PPAT: variants seen among roughly 807,000 people sequenced by gnomAD.
PPAT encodes phosphoribosyl pyrophosphate amidotransferase, also known as amidophosphoribosyltransferase.
A neutral mutation model predicts 60.2 loss-of-function variants in PPAT; 20 were observed. That is an observed-to-expected ratio of 0.33 (90% CI 0.23 to 0.48). PPAT has a LOEUF of 0.48. PPAT is among the 20% of genes least tolerant of loss of function. The pLI, the probability that PPAT is intolerant of heterozygous loss-of-function variation, is 0.99. For missense variants in PPAT, 349 were observed against 629.6 expected, an observed-to-expected ratio of 0.55 and a Z score of 4.77; for synonymous variants, 194 against 215.1, an observed-to-expected ratio of 0.90 and a Z score of 0.86.
chr4:56,435,550 G>A lies in PPAT; in HGVS notation c.-73C>T. On this transcript the variant is annotated 5_prime_UTR_variant, in exon 1 of 11. Coordinates refer to ENST00000264220, the MANE Select transcript of PPAT (RefSeq NM_002703.5). ...TAAGCACCAACCAGCTGCCAGCTCG[G>A]CCCGTCGAGCTCAGAAGCTCGCGCT... is the stretch of plus-strand genomic sequence containing the variant. 1 of 1,606,506 alleles carries A rather than the reference G, an allele frequency of 6.2e-7. No homozygotes were observed. The highest frequency in any genetic ancestry group is 8.5e-7 in the Non-Finnish European group (1 of 1,176,140).
chr4:56,424,763 T>C (rs1393376535), intron 1 of PPAT, among the ~76,000 whole-genome samples: 1 of 152,250 alleles, frequency 6.6e-6, no homozygotes, highest in Non-Finnish European at 1.5e-5. Flanking sequence ...CTGTCTCTTC[T>C]GAGTAGGAGA....
intron 1 of PPAT, among the ~76,000 whole-genome samples, chr4:56,419,432 T>C (rs904253693): frequency 6.6e-6 from 1 of 152,172 alleles, no homozygotes; most frequent in Non-Finnish European, 1.5e-5. Context: ...GTAACCGGCA[T>C]AATAATGGAC....
intron 10 of PPAT, 66 bp from the exon 11 acceptor site, chr4:56,395,614 A>G: frequency 8.5e-7 from 1 of 1,175,728 alleles, no homozygotes; most frequent in South Asian, 1.9e-5. Context: ...ACGCGTCAAC[A>G]GAGAATAGTT....
Position 56,403,193 on chromosome 4 carries a change from T to G in PPAT, c.516-8A>C, listed in dbSNP as rs763720530. The G allele has an allele frequency of 4.9e-5, 78 of 1,582,748 alleles. No individual in the cohort carries two copies. The highest frequency in any genetic ancestry group is 7.0e-5 in the Admixed American group (4 of 56,768). On this transcript the variant is annotated splice_polypyrimidine_tract_variant and splice_region_variant and intron_variant, in intron 4 of 10. Transcript: ENST00000264220. ...TTCATCAAGTTTTTAATCCTGGAAT[T>G]AATTAAATAATTGAATGAATAACTT...
In PPAT at chr4:56,394,285, T is replaced by C. The variant is rs981281131; in HGVS notation, c.*1067A>G. ...CTAATTCCCCAAAGTGGTTGTCTCT[T>C]TGATCCTTAAACAAAACTGGCCCCT... On this transcript the variant is annotated 3_prime_UTR_variant, in exon 11 of 11. Transcript: ENST00000264220. The C allele has an allele frequency of 3.3e-5, 5 of 152,208 alleles. No homozygotes were observed. Among genetic ancestry groups the C allele is most frequent in the African/African-American group, 9.6e-5 (4 of 41,460 alleles). The allele number at this position is 152,208 out of a possible 1,614,324, so 9.4% of individuals were successfully genotyped here.
intron 1 of PPAT, among the ~76,000 whole-genome samples, chr4:56,424,465 T>A (rs1717192835): frequency 6.6e-6 from 1 of 152,078 alleles, no homozygotes; most frequent in Non-Finnish European, 1.5e-5. Context: ...GGAAGAAAAA[T>A]TTGCTAATGC....
intron 1 of PPAT, among the ~76,000 whole-genome samples, chr4:56,413,802 C>T (rs1716587440): frequency 6.6e-6 from 1 of 152,080 alleles, no homozygotes. Context: ...GAGGCTGAGA[C>T]AGGAGAATCG....
intron 7 of PPAT, 100 bp from the exon 8 acceptor site, chr4:56,401,011 A>T (rs916452923): frequency 4.4e-5 from 53 of 1,208,510 alleles, no homozygotes; most frequent in Non-Finnish European, 5.8e-5. Context: ...TTGAGTATAA[A>T]AAGAAATGCA....
chr4:56,421,595 GA>G (rs1466263588), intron 1 of PPAT: 1 of 152,196 alleles, frequency 6.6e-6, no homozygotes, highest in Non-Finnish European at 1.5e-5. Context: ...CTTAAATGAT[GA>G]GTCCCAATTG....
chr4:56,405,318 TAAG>T (rs1295838640), intron 3 of PPAT, among the ~76,000 whole-genome samples: 4 of 152,344 alleles, frequency 2.6e-5, no homozygotes, highest in East Asian at 3.9e-4. Flanking sequence ...TTGTGATATG[TAAG>T]AAGATTTATA....
At chr4:56,409,456 G>C (rs1202470076) in intron 1 of PPAT, among the ~76,000 whole-genome samples, 2 of 138,436 alleles carry the variant, frequency 1.4e-5, no homozygotes, top group African/African-American at 5.1e-5. Flanking sequence ...TAGCACTTTT[G>C]CTATTAGAAA....
chr4:56,403,965 T>C (rs753417100), intron 3 of PPAT: 9 of 414,352 alleles, frequency 2.2e-5, no homozygotes, highest in Non-Finnish European at 4.3e-5. Flanking sequence ...TAAATACAGA[T>C]GAAGTTTCAC....
At chr4:56,409,725 T>C (rs1048521402) in intron 1 of PPAT, among the ~76,000 whole-genome samples, 6 of 152,242 alleles carry the variant, frequency 3.9e-5, no homozygotes, top group Admixed American at 2.0e-4. Flanking sequence ...TATTGACCAA[T>C]TTTTGTTCCA....
At chr4:56,407,968 T>TAC in intron 1 of PPAT, 1 of 370,822 alleles carries the variant, frequency 2.7e-6, no homozygotes, top group Non-Finnish European at 5.0e-6. Context: ...CCTAGCATTT[T>TAC]ACGTTGTAAA....
intron 1 of PPAT, among the ~76,000 whole-genome samples, chr4:56,425,839 C>T (rs1228179770): frequency 4.6e-5 from 7 of 152,228 alleles, no homozygotes; most frequent in Admixed American, 2.6e-4. Flanking sequence ...CATAAAAACT[C>T]TGGCTTAGAG....
intron 1 of PPAT, chr4:56,416,458 A>G (rs763385544): frequency 2.6e-4 from 84 of 318,690 alleles, no homozygotes; most frequent in Admixed American, 4.5e-4. Flanking sequence ...AATGGATGGG[A>G]CAGAATGAAA....
rs192693669 is a variant in PPAT, at chr4:56,416,994, A to G, written c.129-9278T>C. On this transcript the variant is annotated intron_variant, in intron 1 of 10. Coordinates refer to ENST00000264220, the MANE Select transcript of PPAT (RefSeq NM_002703.5). ...CCTCCTGACTAGCTGGGATTACAGG[A>G]GCGCACCATCACGCCCAGCTAATTT... Among the ~76,000 whole-genome samples the G allele has an allele frequency of 1.6e-4, 24 of 152,048 alleles. No individual in the cohort carries two copies. The East Asian group carries it at 4.5e-3, about 28-fold the overall frequency.
At chr4:56,404,398 G>A (rs560576038) in intron 3 of PPAT, among the ~76,000 whole-genome samples, 2 of 152,318 alleles carry the variant, frequency 1.3e-5, no homozygotes, top group South Asian at 4.1e-4. Flanking sequence ...GTAATCAACT[G>A]TATTGAACAA....
Position 56,395,483 on chromosome 4 carries a change from A to T in PPAT, c.1423T>A (p.Phe475Ile). 1 of 1,612,836 alleles carries T rather than the reference A, an allele frequency of 6.2e-7. No homozygotes were observed. The highest frequency in any genetic ancestry group is 1.7e-4 in the Middle Eastern group (1 of 6,054). ...TGCTTTTTCTCTTTCTGTTTTTTAA[A>T]CTTTATCCCTTCTTGTACAGATGAA... The part of the protein sequence containing the change: ...LVSSVQEGIK[F>I]KKQKEKKHDI... Residue 475 changes from phenylalanine (F) to isoleucine (I), a missense_variant, in exon 11 of 11, where the codon TTT becomes ATT. Transcript: ENST00000264220.
Sources: allele counts gnomAD v4.1 joint callset (sites outside exome capture counted in the v4.1 genomes callset), GRCh38; gene constraint gnomAD v4.1.1; transcripts MANE v1.5; gene names NCBI Gene and HGNC (gene_info 2026-07-23, HGNC 2026-07-21).